TRPM3: variants seen among roughly 807,000 people sequenced by gnomAD.
TRPM3 encodes the protein long transient receptor potential channel 3.
TRPM3 carries 77 observed loss-of-function variants against 181.2 expected under a neutral mutation model. The observed-to-expected ratio is 0.42, with a 90% CI of 0.35 to 0.51. The LOEUF is 0.51. Ranked by LOEUF, TRPM3 falls within the 20% of genes least tolerant of loss-of-function variation. The pLI is 0.01. For synonymous variants in TRPM3, 745 were observed against 796.4 expected (o/e 0.94, Z 1.09); for missense variants, 1,759 against 2,196.7 (o/e 0.80, Z 3.98).
intron 1 of TRPM3, among the ~76,000 whole-genome samples, chr9:71,231,170 C>T (rs1565365850): frequency 6.6e-6 from 1 of 151,958 alleles, no homozygotes; most frequent in African/African-American, 2.4e-5. Context: ...ATTTAAATGG[C>T]AAAAAGGACT....
intron 1 of TRPM3, among the ~76,000 whole-genome samples, chr9:71,113,023 A>C (rs953183841): frequency 2.0e-5 from 3 of 152,180 alleles, no homozygotes; most frequent in Admixed American, 1.3e-4. Context: ...CAGAGGCCAG[A>C]TCACCTTGGG....
chr9:70,827,098 C>T (rs1564472671), intron 6 of TRPM3: 1 of 152,220 alleles, frequency 6.6e-6, no homozygotes, highest in Non-Finnish European at 1.5e-5. Flanking sequence ...ACATATACAT[C>T]TATCTATATC....
intron 1 of TRPM3, among the ~76,000 whole-genome samples, chr9:71,339,006 A>C (rs2090769367): frequency 6.6e-6 from 1 of 152,176 alleles, no homozygotes; most frequent in Non-Finnish European, 1.5e-5. Context: ...AAAATGATAA[A>C]AGAATCAGAT....
chr9:71,291,404 GCC>G (rs1379082856), intron 1 of TRPM3, among the ~76,000 whole-genome samples: 1 of 152,072 alleles, frequency 6.6e-6, no homozygotes, highest in Non-Finnish European at 1.5e-5. Context: ...CAACTGTTTT[GCC>G]AGCAGTGCTC....
chr9:70,884,134 G>T (rs1448536371), intron 1 of TRPM3, among the ~76,000 whole-genome samples: 1 of 152,024 alleles, frequency 6.6e-6, no homozygotes, highest in Non-Finnish European at 1.5e-5. Flanking sequence ...GGGATTCCTA[G>T]GGAGTCAGTG....
intron 6 of TRPM3, 165 bp downstream of exon 6, chr9:70,827,682 C>T: frequency 1.3e-6 from 1 of 758,094 alleles, no homozygotes; most frequent in Non-Finnish European, 2.1e-6. Context: ...CAATTGTTCT[C>T]CTCTGGATGG....
At chr9:70,916,135 T>C (rs575462925) in intron 1 of TRPM3, among the ~76,000 whole-genome samples, 7 of 152,286 alleles carry the variant, frequency 4.6e-5, no homozygotes, top group Admixed American at 1.3e-4. Flanking sequence ...CCTAGAATAG[T>C]ATGTTCAGCA....
At chr9:70,954,570 T>C (rs1332041813) in intron 1 of TRPM3, among the ~76,000 whole-genome samples, 1 of 152,156 alleles carries the variant, frequency 6.6e-6, no homozygotes, top group Non-Finnish European at 1.5e-5. Context: ...CTCTTATCGA[T>C]AGTGCAACCC....
At chr9:70,892,741 T>C (rs1422537167) in intron 1 of TRPM3, among the ~76,000 whole-genome samples, 2 of 152,190 alleles carry the variant, frequency 1.3e-5, no homozygotes, top group Admixed American at 6.5e-5. Flanking sequence ...AAAGAGGCTA[T>C]TCTAATTCTC....
At chr9:71,382,644 T>TA (rs1565518352) in intron 1 of TRPM3, among the ~76,000 whole-genome samples, 1 of 150,774 alleles carries the variant, frequency 6.6e-6, no homozygotes, top group Non-Finnish European at 1.5e-5. Flanking sequence ...GGAATTTTTT[T>TA]AAAAAAGAAG....
At chr9:70,697,818 G>A (rs984907242) in intron 8 of TRPM3, among the ~76,000 whole-genome samples, 16 of 152,118 alleles carry the variant, frequency 1.1e-4, no homozygotes, top group Non-Finnish European at 2.2e-4. Context: ...AAATTCTTTT[G>A]TCTCCTCCTT....
intron 8 of TRPM3, among the ~76,000 whole-genome samples, chr9:70,738,228 C>G (rs563595608): frequency 5.7e-4 from 87 of 152,238 alleles, no homozygotes; most frequent in African/African-American, 2.1e-3. Flanking sequence ...ACCCACAAAA[C>G]CATGCATGTA....
intron 1 of TRPM3, among the ~76,000 whole-genome samples, chr9:71,065,442 G>A (rs1209721098): frequency 6.6e-6 from 1 of 152,052 alleles, no homozygotes; most frequent in Non-Finnish European, 1.5e-5. Flanking sequence ...CTGAACACGG[G>A]AGAGTTAAGG....
chr9:71,378,050 T>C (rs2092707728), intron 1 of TRPM3, among the ~76,000 whole-genome samples: 1 of 152,122 alleles, frequency 6.6e-6, no homozygotes, highest in Non-Finnish European at 1.5e-5. Context: ...TAGATAAAGA[T>C]ATTTCTAATA....
chr9:71,434,084 A>C (rs2093996849), intron 1 of TRPM3, among the ~76,000 whole-genome samples: 1 of 152,116 alleles, frequency 6.6e-6, no homozygotes, highest in Non-Finnish European at 1.5e-5. Context: ...ACTTGAGCCC[A>C]GGAGGTGGAG....
intron 22 of TRPM3, 59 bp from the exon 23 acceptor site, chr9:70,553,369 TAAAA>T: frequency 6.3e-7 from 1 of 1,582,336 alleles, no homozygotes; most frequent in Non-Finnish European, 8.6e-7. Flanking sequence ...AGAAAAAAAA[TAAAA>T]AGATGGATTT....
chr9:70,688,338 G>C (rs192434849), intron 8 of TRPM3, among the ~76,000 whole-genome samples: 278 of 152,214 alleles, frequency 1.8e-3, no homozygotes, highest in Non-Finnish European at 2.9e-3. Context: ...AGTACAGGTG[G>C]CCTTTGGTTA....
intron 1 of TRPM3, among the ~76,000 whole-genome samples, chr9:71,369,994 G>A (rs1371348328): frequency 6.6e-6 from 1 of 152,122 alleles, no homozygotes; most frequent in Admixed American, 6.5e-5. Context: ...ATGGTGATCT[G>A]TGATCACCAA....
chr9:70,814,236 G>A (rs2131467493), intron 6 of TRPM3, among the ~76,000 whole-genome samples: 1 of 152,274 alleles, frequency 6.6e-6, no homozygotes, highest in East Asian at 1.9e-4. Context: ...TTTTCATGGT[G>A]AGCACACAGA....
Sources: allele counts gnomAD v4.1 joint callset (sites outside exome capture counted in the v4.1 genomes callset), GRCh38; gene constraint gnomAD v4.1.1; transcripts MANE v1.5; gene names NCBI Gene and HGNC (gene_info 2026-07-23, HGNC 2026-07-21).